STK33: variants seen among roughly 807,000 people sequenced by gnomAD.
The protein encoded by STK33 is serine/threonine kinase 33, also known as serine/threonine-protein kinase 33.
STK33 carries 52 observed loss-of-function variants against 58.0 expected under a neutral mutation model. The ratio of observed to expected loss-of-function variants is 0.90; its 90% CI spans 0.72 to 1.13. The LOEUF is 1.13. Ranked by LOEUF, STK33 falls within the 50% of genes most tolerant of loss-of-function variation. The probability of loss-of-function intolerance (pLI) is 0.00; values close to 1 mark genes in which losing one functional copy is unlikely to be tolerated. For synonymous variants in STK33, 215 were observed against 200.1 expected (o/e 1.07, Z -0.63); for missense variants, 630 against 604.2 (o/e 1.04, Z -0.45).
chr11:8,382,917 G>C, the STK33 span, among the ~76,000 whole-genome samples: 1 of 152,086 alleles, frequency 6.6e-6, no homozygotes, highest in Non-Finnish European at 1.5e-5. Flanking sequence ...CTCCCCACAG[G>C]CAACACACTG....
intron 9 of STK33, among the ~76,000 whole-genome samples, chr11:8,457,025 C>T (rs1946938990): frequency 2.0e-5 from 3 of 152,106 alleles, no homozygotes; most frequent in Non-Finnish European, 4.4e-5. Context: ...CTAGAACATA[C>T]AGATTCTAAT....
intron 8 of STK33, among the ~76,000 whole-genome samples, chr11:8,458,713 TCA>T (rs1390792410): frequency 6.6e-6 from 1 of 152,174 alleles, no homozygotes; most frequent in African/African-American, 2.4e-5. Context: ...CAAAAAAGAT[TCA>T]CAGTCAACTA....
chr11:8,534,588 G>C (rs1040642998), intron 1 of STK33, among the ~76,000 whole-genome samples: 2 of 151,254 alleles, frequency 1.3e-5, no homozygotes, highest in African/African-American at 4.9e-5. Context: ...GTGTGTGTGT[G>C]TGTGTGTGTG....
intron 1 of STK33, among the ~76,000 whole-genome samples, chr11:8,562,946 G>A (rs1014274634): frequency 2.6e-5 from 4 of 152,134 alleles, no homozygotes; most frequent in African/African-American, 7.2e-5. Context: ...CAATAAGTAA[G>A]TAAAGGGGTA....
chr11:8,406,142 CAAAAAAAAAA>C (rs59336494), intron 15 of STK33, among the ~76,000 whole-genome samples: 17,602 of 94,602 alleles, frequency 0.19, 1,468 homozygotes, highest in African/African-American at 0.27. Context: ...GACTCCGTCT[CAAAAAAAAAA>C]AAAAAAAAAA....
intron 1 of STK33, among the ~76,000 whole-genome samples, chr11:8,566,104 G>A (rs912614610): frequency 6.6e-6 from 1 of 152,098 alleles, no homozygotes; most frequent in Non-Finnish European, 1.5e-5. Flanking sequence ...TTATACTCAG[G>A]ACCATGCTAG....
chr11:8,478,364 T>C (rs1022686669), intron 2 of STK33, among the ~76,000 whole-genome samples: 1 of 152,144 alleles, frequency 6.6e-6, no homozygotes, highest in South Asian at 2.1e-4. Flanking sequence ...TCTCCAAAGA[T>C]TGGACATACA....
chr11:8,361,578 T>A, the STK33 span, among the ~76,000 whole-genome samples: 5 of 151,708 alleles, frequency 3.3e-5, no homozygotes, highest in African/African-American at 9.7e-5. This position sits in a 1 kb window ranked among gnomAD's most constrained non-coding sequence, Gnocchi z 4.8. Flanking sequence ...TTCGTTGCAC[T>A]GGTCTCTCCT....
the STK33 span, among the ~76,000 whole-genome samples, chr11:8,344,781 G>A: frequency 6.6e-6 from 1 of 152,208 alleles, no homozygotes; most frequent in Non-Finnish European, 1.5e-5. Context: ...CAAATCCCAC[G>A]GTTGGCTGAT....
chr11:8,450,156 C>G (rs922564507), intron 11 of STK33, among the ~76,000 whole-genome samples: 2 of 152,078 alleles, frequency 1.3e-5, no homozygotes, highest in African/African-American at 4.8e-5. Context: ...GGAACCAAGC[C>G]AAATGCCCAT....
chr11:8,374,500 A>C, the STK33 span, among the ~76,000 whole-genome samples: 2 of 152,174 alleles, frequency 1.3e-5, no homozygotes, highest in Non-Finnish European at 2.9e-5. Context: ...GCAGATGGCC[A>C]CCTTCTCACT....
intron 6 of STK33, among the ~76,000 whole-genome samples, chr11:8,471,855 T>C (rs1047615219): frequency 1.5e-4 from 23 of 152,142 alleles, no homozygotes; most frequent in African/African-American, 5.5e-4. Context: ...TCCACACTTA[T>C]ATTTGCCTAA....
At chr11:8,410,887 T>A (rs1042355324) in intron 15 of STK33, among the ~76,000 whole-genome samples, 2 of 152,264 alleles carry the variant, frequency 1.3e-5, no homozygotes, top group South Asian at 4.1e-4. Context: ...GAAATATACT[T>A]GTATTGCATC....
At chr11:8,477,224 C>G (rs2138024585) in intron 3 of STK33, 26 bp downstream of exon 3, 1 of 150,992 alleles carries the variant, frequency 6.6e-6, no homozygotes, top group Non-Finnish European at 1.5e-5. Context: ...GAATATGTAG[C>G]AAGACAAAGA....
intron 1 of STK33, among the ~76,000 whole-genome samples, chr11:8,489,398 G>A (rs1019479281): frequency 6.6e-6 from 1 of 151,674 alleles, no homozygotes; most frequent in Non-Finnish European, 1.5e-5. Flanking sequence ...TGCTATAACA[G>A]AATACCACAG....
At chr11:8,370,610 G>C in the STK33 span, among the ~76,000 whole-genome samples, 2 of 152,164 alleles carry the variant, frequency 1.3e-5, no homozygotes, top group African/African-American at 2.4e-5. Context: ...CTACAGATAC[G>C]GGGCCCAGAC....
rs1009427964 is a variant in STK33 at position 8,571,528 on chromosome 11, T to C, written c.-466+22555A>G. On this transcript the variant is annotated intron_variant, in intron 1 of 15. Coordinates refer to ENST00000687296, the MANE Select transcript of STK33 (RefSeq NM_001352389.2). Reference sequence around the variant, plus strand: ...GAATGTAATTACTGTCACTTAATTATACACTTAAAAATGGTTAAAATGGGG... The same window carrying C: ...GAATGTAATTACTGTCACTTAATTACACACTTAAAAATGGTTAAAATGGGG... Among the ~76,000 whole-genome samples, 12 of 152,150 alleles carry C rather than the reference T, an allele frequency of 7.9e-5. 1 individual carries two copies. Among genetic ancestry groups the C allele is most frequent in the Admixed American group, 7.2e-4 (11 of 15,262 alleles).
chr11:8,566,986 A>G (rs969085901), intron 1 of STK33, among the ~76,000 whole-genome samples: 3 of 151,964 alleles, frequency 2.0e-5, no homozygotes, highest in African/African-American at 7.3e-5. Context: ...TGAAAATACT[A>G]AAAAATTAGC....
At chr11:8,516,018 C>G (rs920560287) in intron 1 of STK33, among the ~76,000 whole-genome samples, 1 of 152,128 alleles carries the variant, frequency 6.6e-6, no homozygotes, top group Non-Finnish European at 1.5e-5. Flanking sequence ...AAACGCAATC[C>G]TTACCAATAT....
Sources: allele counts gnomAD v4.1 joint callset (sites outside exome capture counted in the v4.1 genomes callset), GRCh38; gene constraint gnomAD v4.1.1; non-coding constraint Gnocchi (gnomAD v3.1); transcripts MANE v1.5; gene names NCBI Gene and HGNC (gene_info 2026-07-23, HGNC 2026-07-21).